HIPK2: variants seen among roughly 807,000 people sequenced by gnomAD.
The protein encoded by HIPK2 is homeodomain interacting protein kinase 2, also known as homeodomain-interacting protein kinase 2.
In HIPK2, 27 loss-of-function variants were observed where a neutral mutation model predicts 113.7. That is an observed-to-expected ratio of 0.24 (90% confidence interval 0.17 to 0.33). HIPK2 has a LOEUF of 0.33. Ranked by LOEUF, HIPK2 falls within the 10% of genes least tolerant of loss-of-function variation. HIPK2 has a pLI of 1.00. For missense variants in HIPK2, 1,257 were observed against 1,588.0 expected (o/e 0.79, Z 3.54); for synonymous variants, 631 against 642.2 (o/e 0.98, Z 0.26).
chr7:139,604,255 G>C, intron 9 of HIPK2, 32 bp from the exon 10 acceptor site: 1 of 1,578,058 alleles, frequency 6.3e-7, no homozygotes, highest in South Asian at 1.2e-5. Context: ...CAATGACCAT[G>C]TTTGCTAATC....
Position 139,564,902 on chromosome 7 carries a change from T to A in HIPK2, c.*8025A>T, listed in dbSNP as rs1352789867. 1 of 152,204 alleles carries A rather than the reference T, an allele frequency of 6.6e-6. No homozygotes were observed. The highest frequency in any genetic ancestry group is 2.4e-5 in the African/African-American group (1 of 41,452). The allele number at this position is 152,204 out of a possible 1,614,324, so 9.4% of individuals were successfully genotyped here. A position where few individuals can be genotyped will look rare whatever the true frequency, so the allele number is the denominator to read the frequency against. On this transcript the variant is annotated 3_prime_UTR_variant, in exon 15 of 15. Coordinates refer to ENST00000406875, the MANE Select transcript of HIPK2 (RefSeq NM_022740.5). Reference sequence around the variant, plus strand: ...GCATTTTACAGTAGCTAAAAACATATATACTTAACATGTGCATTTGAACAT... The same window carrying A: ...GCATTTTACAGTAGCTAAAAACATAAATACTTAACATGTGCATTTGAACAT...
At chr7:139,756,482 T>C (rs948783663) in intron 1 of HIPK2, among the ~76,000 whole-genome samples, 1 of 152,212 alleles carries the variant, frequency 6.6e-6, no homozygotes, top group Non-Finnish European at 1.5e-5. Flanking sequence ...TGGAGTGCAG[T>C]GGTGCAATCT....
At chr7:139,685,233 C>A (rs181757029) in intron 2 of HIPK2, among the ~76,000 whole-genome samples, 1 of 152,152 alleles carries the variant, frequency 6.6e-6, no homozygotes, top group Non-Finnish European at 1.5e-5. Context: ...GGCAGTGGCA[C>A]GATCTCAGCT....
chr7:139,709,736 G>C (rs1391741406), intron 2 of HIPK2, among the ~76,000 whole-genome samples: 4 of 152,242 alleles, frequency 2.6e-5, no homozygotes, highest in Non-Finnish European at 4.4e-5. Context: ...GGCAGGGCTA[G>C]GACTGGTGCT....
chr7:139,703,955 A>C (rs1344306300), intron 2 of HIPK2, among the ~76,000 whole-genome samples: 8 of 107,534 alleles, frequency 7.4e-5, no homozygotes, highest in South Asian at 3.4e-4. Context: ...CAACATACAC[A>C]CCCCCAACAC....
At chr7:139,646,113 G>A (rs1801210848) in intron 2 of HIPK2, among the ~76,000 whole-genome samples, 1 of 152,168 alleles carries the variant, frequency 6.6e-6, no homozygotes, top group East Asian at 1.9e-4. Context: ...AGGGGGCGCT[G>A]AAGTGCAACA....
chr7:139,626,874 T>A, intron 5 of HIPK2, 89 bp from the exon 6 acceptor site: 1 of 1,415,460 alleles, frequency 7.1e-7, no homozygotes, highest in Non-Finnish European at 9.8e-7. Flanking sequence ...TGTAACTTCC[T>A]CCTGATCTCT....
At chr7:139,728,100 T>A (rs1407891631) in intron 1 of HIPK2, among the ~76,000 whole-genome samples, 1 of 151,960 alleles carries the variant, frequency 6.6e-6, no homozygotes, top group African/African-American at 2.4e-5. Context: ...CCATCATGCC[T>A]GCCTAATTTA....
chr7:139,736,432 C>T (rs1795940333), intron 1 of HIPK2, among the ~76,000 whole-genome samples: 2 of 152,174 alleles, frequency 1.3e-5, no homozygotes, highest in African/African-American at 4.8e-5. Context: ...AGAAGGGGCT[C>T]GCACACACCA....
chr7:139,697,760 TC>T (rs1295249215), intron 2 of HIPK2, among the ~76,000 whole-genome samples: 1 of 152,174 alleles, frequency 6.6e-6, no homozygotes, highest in Admixed American at 6.5e-5. Context: ...TCTATCTAGT[TC>T]CAAAATATTT....
chr7:139,669,019 A>G (rs1802164752), intron 2 of HIPK2, among the ~76,000 whole-genome samples: 1 of 152,256 alleles, frequency 6.6e-6, no homozygotes, highest in South Asian at 2.1e-4. Flanking sequence ...AATGTACTCA[A>G]TTTACAGAAA....
chr7:139,579,375 T>C (rs1424778637), intron 13 of HIPK2, among the ~76,000 whole-genome samples: 1 of 152,198 alleles, frequency 6.6e-6, no homozygotes, highest in Non-Finnish European at 1.5e-5. Flanking sequence ...ACTGTCTCAA[T>C]GAAGTATCCT....
rs1379433806 is a variant in HIPK2 at position 139,600,421 on chromosome 7, C to G, written c.2431G>C (p.Val811Leu). 8.7e-6 allele frequency: 14 copies of G among 1,612,764 alleles called. No individual in the cohort carries two copies. The highest frequency in any genetic ancestry group is 1.8e-4 in the Middle Eastern group (1 of 5,526). Residue 811 changes from valine (V) to leucine (L), a missense_variant, in exon 11 of 15, where the codon GTG (valine) becomes CTG (leucine). By Grantham distance (32) the Val-to-Leu change is conservative. Coordinates refer to ENST00000406875, the MANE Select transcript of HIPK2 (RefSeq NM_022740.5). ...AGGGTGGCTCTCACCACCTACCTCA[C>G]AGATGACTGGTGCTGCTTACTCTTC... ...SRKSKQHQSSVRNVSTCEVSS... is the reference protein window; with the variant it reads ...SRKSKQHQSSLRNVSTCEVSS...
intron 1 of HIPK2, among the ~76,000 whole-genome samples, chr7:139,738,850 G>A (rs1361733300): frequency 6.6e-6 from 1 of 152,084 alleles, no homozygotes; most frequent in Non-Finnish European, 1.5e-5. Context: ...AAATCTACCA[G>A]GCAAAAAGAG....
intron 9 of HIPK2, among the ~76,000 whole-genome samples, chr7:139,606,264 C>T (rs955758571): frequency 2.6e-5 from 4 of 152,284 alleles, no homozygotes; most frequent in African/African-American, 9.6e-5. Flanking sequence ...TTTCTGACTA[C>T]TTCTTTTTTC....
intron 1 of HIPK2, among the ~76,000 whole-genome samples, chr7:139,770,630 G>A (rs115851908): frequency 1.7e-3 from 254 of 152,300 alleles, no homozygotes; most frequent in African/African-American, 4.9e-3. Context: ...CTCTCACTGC[G>A]GATGGACAGA....
rs745528765 is a variant in HIPK2, at chr7:139,716,243, G to A, written c.792C>T (p.Tyr264=). The change falls in exon 2 of 15, where the codon TAC becomes TAT. Residue 264 remains tyrosine, a synonymous_variant. Transcript: ENST00000406875. This position sits in a 1 kb window ranked among gnomAD's most constrained non-coding sequence, Gnocchi z 9.3. ...SADDYNFVRA[Y]ECFQHKNHTC... ...TGTGGTTCTTGTGCTGGAAGCATTC[G>A]TAGGCCCGGACGAAGTTATAGTCAT... 13 of 1,613,952 alleles carry A rather than the reference G, an allele frequency of 8.1e-6. No individual in the cohort carries two copies. Among genetic ancestry groups the A allele is most frequent in the South Asian group, 3.3e-5 (3 of 91,086 alleles).
chr7:139,674,544 CAGACAGGCTACGTG>C (rs140799098), intron 2 of HIPK2, among the ~76,000 whole-genome samples: 40,377 of 151,990 alleles, frequency 0.27, 6,282 homozygotes, highest in East Asian at 0.68. Context: ...GGATGGGAAG[CAGACAGGCTACGTG>C]GGAAAGGCGA....
At chr7:139,575,782 T>C (rs1231607002) in intron 13 of HIPK2, among the ~76,000 whole-genome samples, 2 of 152,234 alleles carry the variant, frequency 1.3e-5, no homozygotes, top group Non-Finnish European at 2.9e-5. Flanking sequence ...CATCAGTGCA[T>C]TAATATTATC....
Sources: gnomAD v4.1 joint callset for allele counts (sites outside exome capture counted in the v4.1 genomes callset) on GRCh38, gnomAD v4.1.1 for gene constraint, Gnocchi (gnomAD v3.1) non-coding constraint, MANE v1.5 for transcripts, NCBI Gene and HGNC (gene_info 2026-07-23, HGNC 2026-07-21) for gene names.